Variants in QTGAL observed in about 807,000 individuals in gnomAD.
QTGAL encodes the protein queuosine-tRNA galactosyltransferase.
chr17:82,959,031 TATACTGTGGGG>T, the QTGAL span, among the ~76,000 whole-genome samples: 18 of 28,760 alleles, frequency 6.3e-4, no homozygotes, highest in Admixed American at 1.5e-3. Context: ...GGTGTGTGTG[TATACTGTGGGG>T]GTGTATGGTG....
the QTGAL span, among the ~76,000 whole-genome samples, chr17:82,989,552 C>T: frequency 2.0e-5 from 3 of 150,636 alleles, no homozygotes; most frequent in Non-Finnish European, 4.4e-5. Context: ...ACCCCAAAAG[C>T]CAAGATCTCA....
At chr17:82,962,232 C>G in the QTGAL span, among the ~76,000 whole-genome samples, 1 of 152,178 alleles carries the variant, frequency 6.6e-6, no homozygotes, top group South Asian at 2.1e-4. Context: ...GACAGACAGG[C>G]AGTGCTATGG....
chr17:83,016,929 G>A, the QTGAL span, among the ~76,000 whole-genome samples: 126 of 152,306 alleles, frequency 8.3e-4, no homozygotes, highest in African/African-American at 3.0e-3. Flanking sequence ...CAAACCTTCC[G>A]ACCCCTGGTC....
the QTGAL span, among the ~76,000 whole-genome samples, chr17:82,964,429 C>G: frequency 6.6e-6 from 1 of 152,146 alleles, no homozygotes; most frequent in Non-Finnish European, 1.5e-5. Context: ...GAAAATCTAA[C>G]CAACATAGAA....
the QTGAL span, among the ~76,000 whole-genome samples, chr17:83,017,196 T>C: frequency 2.1e-5 from 3 of 143,666 alleles, no homozygotes; most frequent in Non-Finnish European, 4.5e-5. Context: ...GGAAGGGCAG[T>C]GGCGGGAGGA....
the QTGAL span, chr17:83,048,924 A>AC: frequency 2.9e-6 from 2 of 686,954 alleles, no homozygotes; most frequent in Non-Finnish European, 5.2e-6. Flanking sequence ...CAGGCTCTTA[A>AC]CATGCTTGTA....
At chr17:83,003,253 C>A in the QTGAL span, among the ~76,000 whole-genome samples, 11 of 7,932 alleles carry the variant, frequency 1.4e-3, no homozygotes, top group Non-Finnish European at 2.5e-3. Flanking sequence ...ATTCCTGAGC[C>A]CGCCCTCCCG....
chr17:82,959,342 G>A, the QTGAL span, among the ~76,000 whole-genome samples: 1 of 151,824 alleles, frequency 6.6e-6, no homozygotes, highest in Admixed American at 6.6e-5. Context: ...GCAGATGTGT[G>A]TACATGCAGT....
At chr17:83,007,292 T>C in the QTGAL span, 2 of 985,082 alleles carry the variant, frequency 2.0e-6, no homozygotes, top group Non-Finnish European at 2.4e-6. Flanking sequence ...CCAGCGAGTT[T>C]TCCCCACACC....
the QTGAL span, among the ~76,000 whole-genome samples, chr17:82,970,670 A>AGTGTG: frequency 2.0e-3 from 199 of 97,488 alleles, 43 homozygotes; most frequent in African/African-American, 7.7e-3. Flanking sequence ...CTCCGCACCC[A>AGTGTG]GCGTGGCCGT....
the QTGAL span, among the ~76,000 whole-genome samples, chr17:82,984,480 GGGGAGAGGCCACAGGAGGACGCA>G: frequency 3.4e-4 from 10 of 28,992 alleles, no homozygotes; most frequent in African/African-American, 1.6e-3. Flanking sequence ...TGATTATGCA[GGGGAGAGGCCACAGGAGGACGCA>G]GGGAGAGGCC....
At chr17:82,959,304 AGT>A in the QTGAL span, among the ~76,000 whole-genome samples, 1 of 151,850 alleles carries the variant, frequency 6.6e-6, no homozygotes, top group Non-Finnish European at 1.5e-5. Context: ...ACATGTATGC[AGT>A]GAGTGCACAT....
At chr17:83,017,366 T>A in the QTGAL span, among the ~76,000 whole-genome samples, 3 of 152,148 alleles carry the variant, frequency 2.0e-5, no homozygotes, top group East Asian at 5.8e-4. Flanking sequence ...CTCATGCCTG[T>A]AATCCCAGCA....
the QTGAL span, among the ~76,000 whole-genome samples, chr17:82,955,402 A>C: frequency 6.6e-6 from 1 of 152,228 alleles, no homozygotes; most frequent in Non-Finnish European, 1.5e-5. Flanking sequence ...AACCACAATG[A>C]GATATCACTG....
chr17:82,954,204 GTC>G, the QTGAL span, among the ~76,000 whole-genome samples: 1 of 152,124 alleles, frequency 6.6e-6, no homozygotes, highest in African/African-American at 2.4e-5. Flanking sequence ...AAGTCAAATT[GTC>G]TCTGTTTGCA....
chr17:82,942,656 G>A, the QTGAL span: 1 of 654,360 alleles, frequency 1.5e-6, no homozygotes, highest in Non-Finnish European at 2.7e-6. Context: ...GGACGCCTCT[G>A]CCTTCACTTG....
chr17:83,013,788 G>C, the QTGAL span, among the ~76,000 whole-genome samples: 1 of 152,156 alleles, frequency 6.6e-6, no homozygotes, highest in Non-Finnish European at 1.5e-5. Flanking sequence ...GACAGTTATG[G>C]ATCCCTCAGT....
the QTGAL span, among the ~76,000 whole-genome samples, chr17:82,983,659 G>C: frequency 1.3e-5 from 2 of 152,188 alleles, no homozygotes; most frequent in Non-Finnish European, 2.9e-5. Context: ...GCGCCGCCAG[G>C]AACAGTCGCA....
the QTGAL span, among the ~76,000 whole-genome samples, chr17:83,035,856 CGG>C: frequency 8.1e-6 from 1 of 123,938 alleles, no homozygotes; most frequent in South Asian, 2.5e-4. Context: ...GGTAGACCCT[CGG>C]AGGGCGGTTT....
Sources: allele counts gnomAD v4.1 joint callset (sites outside exome capture counted in the v4.1 genomes callset), GRCh38; gene constraint gnomAD v4.1.1; transcripts MANE v1.5; gene names NCBI Gene and HGNC (gene_info 2026-07-23, HGNC 2026-07-21).